Variants in SYNPO observed in about 807,000 individuals in gnomAD.
SYNPO encodes the protein synaptopodin.
SYNPO carries 19 observed loss-of-function variants against 49.5 expected under a neutral mutation model. The ratio of observed to expected loss-of-function variants is 0.38; its 90% confidence interval spans 0.27 to 0.56. The LOEUF is 0.56. Ranked by LOEUF, SYNPO falls within the 20% of genes least tolerant of loss-of-function variation. SYNPO has a pLI of 0.68. For synonymous variants in SYNPO, 536 were observed against 548.0 expected (o/e 0.98, Z 0.31); for missense variants, 1,131 against 1,248.3 (o/e 0.91, Z 1.42).
intron 2 of SYNPO, chr5:150,652,060 T>G (rs1208465242): frequency 1.0e-6 from 1 of 1,000,622 alleles, no homozygotes; most frequent in Admixed American, 6.1e-5. Flanking sequence ...TTTTGTGAGC[T>G]CTGGGCTTGT....
At chr5:150,605,328 C>G (rs571307957) in intron 1 of SYNPO, among the ~76,000 whole-genome samples, 1 of 152,124 alleles carries the variant, frequency 6.6e-6, no homozygotes, top group African/African-American at 2.4e-5. Context: ...CCCAGGTTGG[C>G]GGGTGGTCAG....
At chr5:150,609,032 G>A (rs573133925) in intron 1 of SYNPO, among the ~76,000 whole-genome samples, 10 of 152,272 alleles carry the variant, frequency 6.6e-5, no homozygotes, top group Admixed American at 4.6e-4. Flanking sequence ...TTTAACCAGC[G>A]GTGTGTGGAT....
intron 1 of SYNPO, among the ~76,000 whole-genome samples, chr5:150,610,333 T>C (rs1756813305): frequency 6.6e-6 from 1 of 152,196 alleles, no homozygotes; most frequent in African/African-American, 2.4e-5. Context: ...CTGTGTGAAA[T>C]GGCCTCTCCC....
At chr5:150,596,487 C>T (rs990555667), upstream of SYNPO, among the ~76,000 whole-genome samples, 26 of 152,148 alleles carry the variant, frequency 1.7e-4, no homozygotes, top group Non-Finnish European at 3.4e-4. Flanking sequence ...AGTTGACGGA[C>T]GGCCCCCATG....
chr5:150,605,614 G>A (rs946144793), intron 1 of SYNPO, among the ~76,000 whole-genome samples: 3 of 152,104 alleles, frequency 2.0e-5, no homozygotes, highest in African/African-American at 7.2e-5. Flanking sequence ...GGACCGGAAA[G>A]GAGAGGAAGA....
chr5:150,599,636 CGGA>C (rs1319259062), upstream of SYNPO, among the ~76,000 whole-genome samples: 1 of 152,108 alleles, frequency 6.6e-6, no homozygotes, highest in Non-Finnish European at 1.5e-5. Flanking sequence ...CAAAGTGTAT[CGGA>C]GAAGAGTCCC....
Position 150,656,661 on chromosome 5 carries a change from C to A in SYNPO, c.2286C>A (p.Ile762=). The change falls in exon 3 of 3, where the codon ATC becomes ATA. Residue 762 remains isoleucine, a synonymous_variant. Coordinates refer to ENST00000307662, the MANE Select transcript of SYNPO (RefSeq NM_007286.6). Reference sequence around the variant, plus strand: ...AGGCGCTTCTGGCGCGAAACATCATCAATGCGGCCCGGCGCAAGAGCGCCT... The same window carrying A: ...AGGCGCTTCTGGCGCGAAACATCATAAATGCGGCCCGGCGCAAGAGCGCCT... The part of the protein sequence containing the change: ...QLQALLARNI[I]NAARRKSASP... The A allele has an allele frequency of 6.7e-7, 1 of 1,499,006 alleles. No homozygotes were observed. Among genetic ancestry groups the A allele is most frequent in the Non-Finnish European group, 8.8e-7 (1 of 1,131,860 alleles). 92.9% of individuals were successfully genotyped at this position (1,499,006 alleles called of 1,614,324 possible).
the SYNPO span, among the ~76,000 whole-genome samples, chr5:150,594,956 G>A: frequency 6.6e-6 from 1 of 152,214 alleles, no homozygotes; most frequent in Non-Finnish European, 1.5e-5. Context: ...AAGAGCAGAT[G>A]TGGAGGATGA....
intron 1 of SYNPO, among the ~76,000 whole-genome samples, chr5:150,645,685 A>G (rs925076274): frequency 2.6e-5 from 4 of 152,182 alleles, no homozygotes; most frequent in African/African-American, 7.2e-5. Flanking sequence ...CATGGACTAG[A>G]GACCCCAGAA....
At chr5:150,642,795 TGGAGG>T (rs980556279) in intron 1 of SYNPO, among the ~76,000 whole-genome samples, 1 of 152,244 alleles carries the variant, frequency 6.6e-6, no homozygotes, top group African/African-American at 2.4e-5. Flanking sequence ...GAGCTTGCCT[TGGAGG>T]GCAGGGCTCT....
rs1269452480 is a variant in SYNPO, at chr5:150,648,815, C to T, written c.540C>T (p.Ser180=). The change falls in exon 2 of 3, where the codon TCC becomes TCT. Residue 180 remains serine (S), a synonymous_variant. Coordinates refer to ENST00000307662, the MANE Select transcript of SYNPO (RefSeq NM_007286.6). The surrounding 1 kb of genome is among the most constrained non-coding windows in gnomAD (Gnocchi z 5.0). ...GAGAAGCTACGCTCATCCCCAGCTC[C>T]AGGCCCCCAGCCTCAGATTTCATGT... ...FSREATLIPS[S]RPPASDFMSS... 3.1e-6 allele frequency: 5 copies of T among 1,614,144 alleles called. No individual in the cohort carries two copies. In the African/African-American group the frequency reaches 6.7e-5, roughly 22 times the overall value.
intron 2 of SYNPO, chr5:150,650,841 C>T (rs2151427031): frequency 2.3e-6 from 3 of 1,278,432 alleles, no homozygotes; most frequent in Non-Finnish European, 3.0e-6. Context: ...GCTGGATTCT[C>T]ACCTCCATGG....
chr5:150,643,484 G>T (rs191775746), intron 1 of SYNPO, among the ~76,000 whole-genome samples: 21 of 152,314 alleles, frequency 1.4e-4, no homozygotes, highest in South Asian at 1.2e-3. Context: ...AAGGGGATCT[G>T]ATGTATCTGC....
chr5:150,618,660 C>A (rs1239625767), exon 2 of SYNPO: 1 of 1,550,996 alleles, frequency 6.4e-7, no homozygotes, highest in Non-Finnish European at 8.7e-7. Flanking sequence ...CAAGGGGCGT[C>A]CCAGCACGAC....
At chr5:150,612,838 G>A (rs1428145879) in intron 1 of SYNPO, among the ~76,000 whole-genome samples, 1 of 152,106 alleles carries the variant, frequency 6.6e-6, no homozygotes, top group Non-Finnish European at 1.5e-5. Flanking sequence ...GGAGTGCAGT[G>A]GCACAATCAT....
At chr5:150,636,026 A>AT (rs141337712), upstream of SYNPO, among the ~76,000 whole-genome samples, 2 of 151,970 alleles carry the variant, frequency 1.3e-5, no homozygotes. Flanking sequence ...TCCCTGCTTT[A>AT]TTTTTTTATA....
chr5:150,657,061 C>G lies in SYNPO; in HGVS notation c.2686C>G (p.Pro896Ala), dbSNP rs953469588. 3.8e-6 allele frequency: 6 copies of G among 1,596,846 alleles called. No homozygotes were observed. Among genetic ancestry groups the G allele is most frequent in the Middle Eastern group, 3.4e-4 (2 of 5,854 alleles). Reference sequence around the variant, plus strand: ...CCTTCGGCTCAAGCGTGGCAGCCTCCCCGCCGAGGCCTCCTGCACCACCTA... The same window carrying G: ...CCTTCGGCTCAAGCGTGGCAGCCTCGCCGCCGAGGCCTCCTGCACCACCTA... ...GSLRLKRGSL[P>A]AEASCTT Residue 896 changes from proline (P) to alanine (A), a missense_variant, in exon 3 of 3, where the codon CCC becomes GCC. By Grantham distance (27) the Pro-to-Ala change is conservative (BLOSUM62 -1). Coordinates refer to ENST00000307662, the MANE Select transcript of SYNPO (RefSeq NM_007286.6).
At chr5:150,605,075 C>T (rs575283534) in intron 1 of SYNPO, among the ~76,000 whole-genome samples, 2 of 152,320 alleles carry the variant, frequency 1.3e-5, no homozygotes, top group African/African-American at 4.8e-5. Flanking sequence ...CCCTAAGCTC[C>T]TGGCACATAG....
At chr5:150,626,087 T>C (rs1345675769) in intron 2 of SYNPO, among the ~76,000 whole-genome samples, 1 of 152,128 alleles carries the variant, frequency 6.6e-6, no homozygotes, top group African/African-American at 2.4e-5. Context: ...TGGATGCTGA[T>C]GGGGGTCTAG....
Sources: allele counts gnomAD v4.1 joint callset (sites outside exome capture counted in the v4.1 genomes callset), GRCh38; gene constraint gnomAD v4.1.1; non-coding constraint Gnocchi (gnomAD v3.1); transcripts MANE v1.5; gene names NCBI Gene and HGNC (gene_info 2026-07-23, HGNC 2026-07-21).